Variants in DDB1 observed in about 807,000 individuals in gnomAD.
DDB1 encodes DNA damage-binding protein 1.
DDB1 carries 18 observed loss-of-function variants against 133.1 expected under a neutral mutation model. The ratio of observed to expected loss-of-function variants is 0.14; its 90% CI spans 0.09 to 0.20. The LOEUF is 0.20. Among genes scored for constraint, DDB1 ranks in the 10% least tolerant of loss-of-function variants. DDB1 has a pLI of 1.00. For missense variants in DDB1, 828 were observed against 1,459.2 expected (o/e 0.57, Z 7.05); for synonymous variants, 580 against 550.5 (o/e 1.05, Z -0.75).
chr11:61,316,964 T>TAG (rs1856089580), intron 10 of DDB1, among the ~76,000 whole-genome samples: 1 of 26,006 alleles, frequency 3.8e-5, no homozygotes, highest in Non-Finnish European at 9.8e-5. Context: ...TATATATATA[T>TAG]ATATATATAT....
In DDB1 at chr11:61,325,598, G is replaced by A. The variant is rs761846645; in HGVS notation, c.762+13C>T. ...GAAAAGATGAAAGGAAAAAAAGGTA[G>A]GACTGCGCTCACCTTGATGATAGGA... is the stretch of plus-strand genomic sequence containing the variant. On this transcript the variant is annotated intron_variant, in intron 6 of 26. Coordinates refer to ENST00000301764, the MANE Select transcript of DDB1 (RefSeq NM_001923.5). 21 of 1,608,104 alleles carry A rather than the reference G, an allele frequency of 1.3e-5. No individual in the cohort carries two copies. Among genetic ancestry groups the A allele is most frequent in the Non-Finnish European group, 1.7e-5 (20 of 1,175,626 alleles).
chr11:61,302,141 C>T (rs1196039020), intron 25 of DDB1, 116 bp downstream of exon 25: 18 of 870,820 alleles, frequency 2.1e-5, no homozygotes, highest in Non-Finnish European at 3.1e-5. Flanking sequence ...AAACAAAAAA[C>T]CTGTTCTGTA....
At chr11:61,331,789 T>A (rs1179941480) in intron 1 of DDB1, 98 bp from the exon 2 acceptor site, 2 of 1,507,526 alleles carry the variant, frequency 1.3e-6, no homozygotes, top group African/African-American at 2.8e-5. Context: ...TCCAGAATTC[T>A]CATTTACTTC....
intron 20 of DDB1, 63 bp downstream of exon 20, chr11:61,309,733 A>G (rs1855932119): frequency 5.1e-6 from 8 of 1,564,146 alleles, no homozygotes; most frequent in Non-Finnish European, 7.0e-6. Context: ...GAAACCTCAC[A>G]ATGGCCTGCT....
chr11:61,312,504 CTCTTTT>C (rs1236802206), intron 16 of DDB1, among the ~76,000 whole-genome samples: 2 of 140,114 alleles, frequency 1.4e-5, no homozygotes, highest in African/African-American at 6.0e-5. Context: ...CTCTCTCTCT[CTCTTTT>C]TTTTTTTTTT....
intron 12 of DDB1, 200 bp from the exon 13 acceptor site, chr11:61,314,686 T>C: frequency 5.5e-6 from 3 of 546,802 alleles, no homozygotes; most frequent in Non-Finnish European, 9.4e-6. Context: ...AGCTTAAAAG[T>C]AGCTTACAGC....
chr11:61,312,052 A>G lies in DDB1; in HGVS notation c.2102T>C (p.Ile701Thr). The change falls in exon 17 of 27, where the codon ATT (isoleucine) becomes ACT (threonine). Residue 701 changes from isoleucine (I) to threonine (T), a missense_variant. Transcript: ENST00000301764. ...LALANNSTLT[I>T]GTIDEIQKLH... ...CTTCTGGATCTCATCGATGGTGCCA[A>G]TGGTGAGGGTGCTATTGTTGGCCAG... is the stretch of plus-strand genomic sequence containing the variant. 1.9e-6 allele frequency: 3 copies of G among 1,614,208 alleles called. No homozygotes were observed. The highest frequency in any genetic ancestry group is 2.5e-6 in the Non-Finnish European group (3 of 1,180,038).
Position 61,318,931 on chromosome 11 carries a change from G to T in DDB1, c.1226-2364C>A, listed in dbSNP as rs554715447. ...TCCCAACTTTAGGCTAGGCTCAGTG[G>T]CTCATGCCTGTGATTACAGCACTTC... On this transcript the variant is annotated intron_variant, in intron 10 of 26. Transcript: ENST00000301764. Among the ~76,000 whole-genome samples the T allele has an allele frequency of 2.0e-5, 3 of 152,310 alleles. No homozygotes were observed. The South Asian group carries it at 6.2e-4, about 32-fold the overall frequency.
intron 8 of DDB1, 111 bp downstream of exon 8, chr11:61,322,900 T>C: frequency 1.2e-6 from 1 of 825,182 alleles, no homozygotes; most frequent in South Asian, 1.8e-5. Context: ...AGCTGGATAG[T>C]AGGGATGTGG....
chr11:61,316,974 T>TATATATATATATAC (rs1856092148), intron 10 of DDB1, among the ~76,000 whole-genome samples: 1 of 60,086 alleles, frequency 1.7e-5, no homozygotes, highest in Non-Finnish European at 3.4e-5. Flanking sequence ...TATATATATA[T>TATATATATATATAC]ATATATATAT....
At chr11:61,302,907 C>A (rs1178117118) in intron 23 of DDB1, 139 bp downstream of exon 23, 2 of 1,274,480 alleles carry the variant, frequency 1.6e-6, no homozygotes, top group African/African-American at 3.0e-5. Flanking sequence ...TTTCTGTCAC[C>A]TTTTATTCTC....
At chr11:61,316,235 C>G (rs1462251292) in intron 12 of DDB1, 50 bp downstream of exon 12, 1 of 1,519,704 alleles carries the variant, frequency 6.6e-7, no homozygotes, top group Non-Finnish European at 9.1e-7. Context: ...TGTACTGCAT[C>G]TAGGTCAATT....
intron 16 of DDB1, among the ~76,000 whole-genome samples, chr11:61,312,506 CTTTTT>C (rs954501705): frequency 1.7e-5 from 2 of 120,078 alleles, no homozygotes; most frequent in Admixed American, 8.2e-5. Flanking sequence ...CTCTCTCTCT[CTTTTT>C]TTTTTTTTTT....
intron 21 of DDB1, 27 bp from the exon 22 acceptor site, chr11:61,304,062 CA>C: frequency 6.2e-7 from 1 of 1,612,676 alleles, no homozygotes; most frequent in Non-Finnish European, 8.5e-7. Context: ...CTCTCTCAGC[CA>C]AAGGGGCCAG....
chr11:61,325,547 GGAGGAGCAAGGT>G lies in DDB1; in HGVS notation c.762+52_762+63del, dbSNP rs1856255240. 3.7e-6 allele frequency: 5 copies of G among 1,344,700 alleles called. No individual in the cohort carries two copies. In the Admixed American group the frequency reaches 9.8e-5, roughly 26 times the overall value. 83.3% of individuals were successfully genotyped at this position (1,344,700 alleles called of 1,614,324 possible). On this transcript the variant is annotated intron_variant, in intron 6 of 26. Coordinates refer to ENST00000301764, the MANE Select transcript of DDB1 (RefSeq NM_001923.5). ...TCTCCTTTTGATAAATAAGAGAAAG[GGAGGAGCAAGGT>G]GAGGACAAGGAAAGAAAAGATGAAA... is the stretch of plus-strand genomic sequence containing the variant.
rs753622592 is a variant in DDB1, at chr11:61,313,710, C to T, written c.1862-4G>A. 1.2e-6 allele frequency: 2 copies of T among 1,603,762 alleles called. No individual in the cohort carries two copies. Among genetic ancestry groups the T allele is most frequent in the African/African-American group, 2.7e-5 (2 of 74,536 alleles). On this transcript the variant is annotated splice_polypyrimidine_tract_variant and splice_region_variant and intron_variant, in intron 15 of 26. Transcript: ENST00000301764. ...TTCTTACGGTCGCTCAACAGACCTA[C>T]AGAGAGAATGACATCAGGAGAAAGG...
In DDB1 at chr11:61,332,882, G is replaced by C. The variant is rs764963990; in HGVS notation, c.61+26C>G. On this transcript the variant is annotated intron_variant, in intron 1 of 26. Coordinates refer to ENST00000301764, the MANE Select transcript of DDB1 (RefSeq NM_001923.5). ...GCTCCCCCCAACTCCCTCACTCGCC[G>C]GGGTCTCCGGCCCCGGCAGCCTCAC... The C allele has an allele frequency of 8.9e-6, 13 of 1,465,578 alleles. No homozygotes were observed. In the African/African-American group the frequency reaches 1.5e-4, roughly 17 times the overall value. The allele number at this position is 1,465,578 out of a possible 1,614,324, so 90.8% of individuals were successfully genotyped here.
rs145657599 is a variant in DDB1, at chr11:61,327,629, C to T, written c.550-736G>A. 18 of 152,292 alleles carry T rather than the reference C, an allele frequency of 1.2e-4. No individual in the cohort carries two copies. The East Asian group carries it at 1.7e-3, about 15-fold the overall frequency. 9.4% of individuals were successfully genotyped at this position (152,292 alleles called of 1,614,324 possible). On this transcript the variant is annotated intron_variant, in intron 4 of 26. Transcript: ENST00000301764. ...GTAGAGAGAACACAATTGATTGCTC[C>T]GCTAAAGTTGTCAAAACTTTCAGTC...
At chr11:61,332,825 G>C in intron 1 of DDB1, 83 bp downstream of exon 1, 1 of 1,263,886 alleles carries the variant, frequency 7.9e-7, no homozygotes, top group Non-Finnish European at 1.0e-6. Context: ...CTGCCCGGCC[G>C]CCCCCGGGGC....
Sources: allele counts gnomAD v4.1 joint callset (sites outside exome capture counted in the v4.1 genomes callset), GRCh38; gene constraint gnomAD v4.1.1; transcripts MANE v1.5; gene names NCBI Gene and HGNC (gene_info 2026-07-23, HGNC 2026-07-21).